The following TMEM63A variants were observed in gnomAD, a reference collection of about 807,000 sequenced individuals.
TMEM63A encodes the protein transmembrane protein 63A, also known as mechanosensitive cation channel TMEM63A.
A neutral mutation model predicts 100.6 loss-of-function variants in TMEM63A; 76 were observed. That is an observed-to-expected ratio of 0.76 (90% confidence interval 0.63 to 0.91). The LOEUF (loss-of-function observed/expected upper bound fraction) is 0.91. Ranked by LOEUF, TMEM63A falls within the 40% of genes least tolerant of loss-of-function variation. TMEM63A has a pLI of 0.00. For missense variants in TMEM63A, 876 were observed against 1,008.8 expected, an observed-to-expected ratio of 0.87 and a Z score of 1.78; for synonymous variants, 401 against 401.1, an observed-to-expected ratio of 1.00 and a Z score of 0.00.
rs765722596 is a variant in TMEM63A, at chr1:225,866,695, C to T, written c.567-13G>A. The T allele has an allele frequency of 6.2e-7, 1 of 1,612,920 alleles. No homozygotes were observed. Among genetic ancestry groups the T allele is most frequent in the South Asian group, 1.1e-5 (1 of 90,996 alleles). ...AAGGAGGTCATTGCTGAGAGGGAAACCACCTGCCATCAGGGCTGGGATCCC... is the reference window on the plus strand; with the variant it reads ...AAGGAGGTCATTGCTGAGAGGGAAATCACCTGCCATCAGGGCTGGGATCCC... On this transcript the variant is annotated splice_polypyrimidine_tract_variant and intron_variant, in intron 8 of 24. Coordinates refer to ENST00000366835, the MANE Select transcript of TMEM63A (RefSeq NM_014698.3).
downstream of TMEM63A, among the ~76,000 whole-genome samples, chr1:225,844,215 G>A (rs1043165519): frequency 6.6e-6 from 1 of 152,070 alleles, no homozygotes; most frequent in African/African-American, 2.4e-5. Context: ...TGAGGGGAGG[G>A]AGGAGAGGTC....
At chr1:225,845,315 C>A (rs755422095), downstream of TMEM63A, 2 of 1,612,086 alleles carry the variant, frequency 1.2e-6, no homozygotes, top group Non-Finnish European at 1.7e-6. Flanking sequence ...CCAGGACATC[C>A]GCAAGTTCCT....
intron 3 of TMEM63A, among the ~76,000 whole-genome samples, chr1:225,874,643 G>A (rs903998422): frequency 2.6e-5 from 4 of 152,224 alleles, no homozygotes; most frequent in African/African-American, 7.2e-5. Flanking sequence ...AGTTCTGCAC[G>A]TCAGCCCTGT....
At position 225,856,656 on chromosome 1, in the gene TMEM63A, T is replaced by A; in HGVS notation, c.1567A>T (p.Thr523Ser). 6.2e-7 allele frequency: 1 copy of A among 1,613,446 alleles called. No homozygotes were observed. The highest frequency in any genetic ancestry group is 8.5e-7 in the Non-Finnish European group (1 of 1,179,642). Residue 523 changes from threonine to serine, a missense_variant, in exon 17 of 25, where the codon ACC (threonine) becomes TCC (serine). Physicochemically the swap from Thr to Ser is moderately conservative, Grantham distance 58. This residue lies in a region of TMEM63A where 487 missense variants were observed against 581.9 expected (regional missense o/e 0.84). Coordinates refer to ENST00000366835, the MANE Select transcript of TMEM63A (RefSeq NM_014698.3). ...MVLILPSLGL[T>S]SLDFFFRWLF... is the part of the protein sequence containing the mutation. ...GCAGAAGGTGGTGGCATATACCTGG[T>A]GAGACCCAGGGAGGGCAGGATCAGC...
intron 3 of TMEM63A, among the ~76,000 whole-genome samples, chr1:225,876,953 T>C (rs993927289): frequency 6.6e-6 from 1 of 152,080 alleles, no homozygotes; most frequent in African/African-American, 2.4e-5. Context: ...CTGGCCCAGC[T>C]TCTGATTCTT....
rs1380465280 is a variant in TMEM63A, at chr1:225,856,750, C to A, written c.1485-12G>T. The A allele has an allele frequency of 1.9e-6, 3 of 1,611,878 alleles. No individual in the cohort carries two copies. Among genetic ancestry groups the A allele is most frequent in the Non-Finnish European group, 2.5e-6 (3 of 1,179,238 alleles). Reference sequence around the variant, plus strand: ...GGTTTTCCCCCGACCTGCAGGAAGTCAAAGGTGAGCACTCGCAGTCCCCCA... The same window carrying A: ...GGTTTTCCCCCGACCTGCAGGAAGTAAAAGGTGAGCACTCGCAGTCCCCCA... On this transcript the variant is annotated splice_polypyrimidine_tract_variant and intron_variant, in intron 16 of 24. Transcript: ENST00000366835.
downstream of TMEM63A, chr1:225,842,471 A>C: frequency 1.9e-6 from 3 of 1,609,742 alleles, no homozygotes; most frequent in Non-Finnish European, 2.6e-6. Context: ...GGAGGCCTGG[A>C]AAGGTGAGGC....
rs921996331 is a variant in TMEM63A, at chr1:225,854,550, A to T, written c.1635-759T>A. On this transcript the variant is annotated intron_variant, in intron 18 of 24. Transcript: ENST00000366835. ...AGGTTTTTTGCCAAAACAAGTAGAA[A>T]AACAATATGGAATGGGGAAAGTTGT... Among the ~76,000 whole-genome samples, 7 of 152,242 alleles carry T rather than the reference A, an allele frequency of 4.6e-5. No homozygotes were observed. The East Asian group carries it at 1.2e-3, about 25-fold the overall frequency.
chr1:225,857,685 T>C (rs77715761), intron 15 of TMEM63A, among the ~76,000 whole-genome samples: 6,244 of 152,226 alleles, frequency 0.041, 200 homozygotes, highest in East Asian at 0.15. Flanking sequence ...AGGAAGTTTC[T>C]ATATTCAGAA....
In TMEM63A at chr1:225,855,921, A is replaced by G; in HGVS notation, c.1591T>C (p.Trp531Arg). 1.2e-6 allele frequency: 2 copies of G among 1,614,128 alleles called. No individual in the cohort carries two copies. The highest frequency in any genetic ancestry group is 1.7e-6 in the Non-Finnish European group (2 of 1,180,002). The change falls in exon 18 of 25, where the codon TGG becomes CGG. Residue 531 changes from tryptophan to arginine, a missense_variant. Physicochemically the swap from Trp to Arg is moderately radical, Grantham distance 101 (BLOSUM62 -3). Transcript: ENST00000366835. ...TCCGAGGAAGTTTTGTCAAAGAGCCACCGGAAGAAAAAATCTAGACTGAAA... is the reference window on the plus strand; with the variant it reads ...TCCGAGGAAGTTTTGTCAAAGAGCCGCCGGAAGAAAAAATCTAGACTGAAA... ...GLTSLDFFFR[W>R]LFDKTSSEAS...
In TMEM63A at chr1:225,855,755, G is replaced by A. The variant is rs1240022841; in HGVS notation, c.1634+123C>T. 4 of 950,264 alleles carry A rather than the reference G, an allele frequency of 4.2e-6. No individual in the cohort carries two copies. The East Asian group carries it at 1.1e-4, about 26-fold the overall frequency. The allele number at this position is 950,264 out of a possible 1,614,324, so 58.9% of individuals were successfully genotyped here. A position where few individuals can be genotyped will look rare whatever the true frequency, so the allele number is the denominator to read the frequency against. On this transcript the variant is annotated intron_variant, in intron 18 of 24. Transcript: ENST00000366835. ...TGAGGCCCCAAGCCCTGCTGTCTGG[G>A]GAGGAAGATGCCTGTTCAGAAGCAT... is the stretch of plus-strand genomic sequence containing the variant.
intron 23 of TMEM63A, chr1:225,848,268 C>A: frequency 1.8e-6 from 1 of 560,802 alleles, no homozygotes; most frequent in Non-Finnish European, 3.1e-6. Context: ...AGGGGGATGG[C>A]CATGAATCGA....
chr1:225,845,076 C>A, downstream of TMEM63A: 4 of 1,544,324 alleles, frequency 2.6e-6, no homozygotes, highest in East Asian at 2.2e-5. Flanking sequence ...GGCGCTTTAA[C>A]CCCCTGCTGT....
chr1:225,869,666 CT>C (rs10638876), intron 6 of TMEM63A, among the ~76,000 whole-genome samples: 12 of 109,914 alleles, frequency 1.1e-4, no homozygotes, highest in African/African-American at 2.8e-4. Context: ...CTTTTCTTTT[CT>C]TTTTTTTTTT....
Position 225,845,705 on chromosome 1 carries a change from C to T in TMEM63A, c.*1234G>A, listed in dbSNP as rs1668923803. 5.2e-6 allele frequency: 2 copies of T among 388,040 alleles called. No homozygotes were observed. Among genetic ancestry groups the T allele is most frequent in the South Asian group, 2.5e-5 (1 of 40,562 alleles). 24.0% of individuals were successfully genotyped at this position (388,040 alleles called of 1,614,324 possible). On this transcript the variant is annotated 3_prime_UTR_variant, in exon 25 of 25. Coordinates refer to ENST00000366835, the MANE Select transcript of TMEM63A (RefSeq NM_014698.3). ...GCCACTGGCCAGGGCTATGCTGCAC[C>T]AGACCAATGGCACCGCCCCCACCCC... is the stretch of plus-strand genomic sequence containing the variant.
intron 14 of TMEM63A, chr1:225,859,642 T>C: frequency 2.8e-6 from 1 of 356,022 alleles, no homozygotes; most frequent in Non-Finnish European, 5.1e-6. Context: ...TTATTTTTTC[T>C]TTTTCTGTTT....
At chr1:225,858,948 A>ATATG (rs1669788937) in intron 15 of TMEM63A, among the ~76,000 whole-genome samples, 3 of 139,676 alleles carry the variant, frequency 2.1e-5, no homozygotes, top group African/African-American at 8.1e-5. Flanking sequence ...TATACATATA[A>ATATG]TGTGTGTGTG....
rs372983742 is a variant in TMEM63A at position 225,852,751 on chromosome 1, C to G, written c.1816G>C (p.Glu606Gln). ...NVKQNQAFQY[E>Q]FGAMYAWMLC... ...ATCCATGCATACATGGCTCCAAACT[C>G]GTACTGGAAGGCCTGGTTCTGGGAG... Residue 606 changes from glutamate to glutamine, a missense_variant, in exon 20 of 25, where the codon GAG (glutamate) becomes CAG (glutamine). Glu to Gln is a conservative substitution (Grantham distance 29). Around this residue, in one of 5 missense-constraint regions of TMEM63A, gnomAD observed 339 missense variants for 342.3 expected, o/e 0.99. Transcript: ENST00000366835. 4 of 1,614,076 alleles carry G rather than the reference C, an allele frequency of 2.5e-6. No individual in the cohort carries two copies. The highest frequency in any genetic ancestry group is 3.4e-6 in the Non-Finnish European group (4 of 1,180,020).
At chr1:225,845,379 C>CCCA, downstream of TMEM63A, 2 of 1,543,336 alleles carry the variant, frequency 1.3e-6, no homozygotes, top group Non-Finnish European at 1.7e-6. Flanking sequence ...GCCACCTCCC[C>CCCA]CCACAAGTGC....
Sources: allele counts gnomAD v4.1 joint callset (sites outside exome capture counted in the v4.1 genomes callset), GRCh38; gene constraint gnomAD v4.1.1; regional missense constraint gnomAD v4.1.1; transcripts MANE v1.5; gene names NCBI Gene and HGNC (gene_info 2026-07-23, HGNC 2026-07-21).